The following TEX48 variants were observed in gnomAD, a reference collection of about 807,000 sequenced individuals.
TEX48 encodes testis expressed 48.
Under a neutral mutation model 13.2 loss-of-function variants are expected in TEX48, and 10 were observed. The observed-to-expected ratio is 0.75, with a 90% CI of 0.47 to 1.28. TEX48 has a LOEUF of 1.28. Among genes scored for constraint, TEX48 ranks in the 50% most tolerant of loss-of-function variants. The pLI is 0.00. For synonymous variants in TEX48, 45 were observed against 52.3 expected (o/e 0.86, Z 0.60); for missense variants, 116 against 139.4 (o/e 0.83, Z 0.84).
Position 114,668,249 on chromosome 9 carries a change from G to T in TEX48, c.216C>A (p.Ile72=), listed in dbSNP as rs373767666. ...TGGAGGAAGTGCTCTTTTTTGTCTG[G>T]ATCAGGGGTGTTCTCGAAGGCAAAT... ...VSHLPSRTPL[I]QTKKSTSSSS... is the part of the protein sequence containing the mutation. Residue 72 remains isoleucine (I), a synonymous_variant, in exon 4 of 5, where the codon ATC becomes ATA. Transcript: ENST00000436752. 48 of 1,535,470 alleles carry T rather than the reference G, an allele frequency of 3.1e-5. No homozygotes were observed. The East Asian group carries it at 9.5e-4, about 30-fold the overall frequency.
rs562059706 is a variant in TEX48, at chr9:114,675,569, G to A, written c.-104-3742C>T. On this transcript the variant is annotated intron_variant, in intron 1 of 4. Transcript: ENST00000436752. Reference sequence around the variant, plus strand: ...CCAATCCTTTGCCATTTCCTTCACCGTAGTGTAAGCCACCATCACTTCTCA... The same window carrying A: ...CCAATCCTTTGCCATTTCCTTCACCATAGTGTAAGCCACCATCACTTCTCA... Among the ~76,000 whole-genome samples, 11 of 152,186 alleles carry A rather than the reference G, an allele frequency of 7.2e-5. 1 individual carries two copies. The highest frequency in any genetic ancestry group is 2.4e-4 in the African/African-American group (10 of 41,516).
At chr9:114,672,502 C>T (rs1396504312) in intron 1 of TEX48, among the ~76,000 whole-genome samples, 8 of 152,194 alleles carry the variant, frequency 5.3e-5, no homozygotes, top group Non-Finnish European at 1.2e-4. Context: ...AAATTCTTAT[C>T]ATGGTATTGT....
chr9:114,679,156 T>G (rs1828137172), intron 1 of TEX48, among the ~76,000 whole-genome samples: 1 of 152,066 alleles, frequency 6.6e-6, no homozygotes. Context: ...GCCCTTTCTT[T>G]ATGCAAAAGC....
chr9:114,669,128 A>G (rs1019548311), intron 3 of TEX48, among the ~76,000 whole-genome samples: 1 of 152,182 alleles, frequency 6.6e-6, no homozygotes, highest in Admixed American at 6.5e-5. Context: ...GTTGTGAGCC[A>G]TCTCACCCAG....
intron 3 of TEX48, among the ~76,000 whole-genome samples, chr9:114,670,368 T>A (rs1827923615): frequency 6.6e-6 from 1 of 152,228 alleles, no homozygotes; most frequent in African/African-American, 2.4e-5. Flanking sequence ...TGTGGATTTC[T>A]GTCAAAATAC....
intron 1 of TEX48, among the ~76,000 whole-genome samples, chr9:114,674,803 G>T (rs984763525): frequency 2.0e-5 from 3 of 150,822 alleles, no homozygotes; most frequent in Non-Finnish European, 2.9e-5. Context: ...CTCCTGAGTA[G>T]CTGGGACTAC....
intron 1 of TEX48, among the ~76,000 whole-genome samples, chr9:114,674,317 C>A (rs1828010537): frequency 6.6e-6 from 1 of 152,112 alleles, no homozygotes; most frequent in South Asian, 2.1e-4. Flanking sequence ...TTTTAAAACA[C>A]AGCAAGCTCC....
At chr9:114,680,856 A>AT (rs1460500909) in intron 1 of TEX48, among the ~76,000 whole-genome samples, 1 of 152,180 alleles carries the variant, frequency 6.6e-6, no homozygotes, top group African/African-American at 2.4e-5. Flanking sequence ...CAGTAGGTAC[A>AT]TTTCATAGCT....
intron 3 of TEX48, among the ~76,000 whole-genome samples, chr9:114,670,357 A>G (rs958371995): frequency 2.6e-5 from 4 of 152,022 alleles, no homozygotes; most frequent in African/African-American, 9.7e-5. Flanking sequence ...AGACCCTCAC[A>G]TGTGGATTTC....
intron 1 of TEX48, among the ~76,000 whole-genome samples, chr9:114,672,520 T>A (rs1827967845): frequency 6.6e-6 from 1 of 152,222 alleles, no homozygotes; most frequent in African/African-American, 2.4e-5. Context: ...TGTTTAGGCG[T>A]CCCTCACAAT....
intron 1 of TEX48, among the ~76,000 whole-genome samples, chr9:114,675,974 C>T (rs769756478): frequency 2.0e-5 from 3 of 152,212 alleles, no homozygotes; most frequent in Non-Finnish European, 2.9e-5. Context: ...AGTTAGGAGT[C>T]CCTCCCTTGT....
chr9:114,674,931 A>T (rs1353241355), intron 1 of TEX48, among the ~76,000 whole-genome samples: 1 of 150,792 alleles, frequency 6.6e-6, no homozygotes, highest in East Asian at 1.9e-4. Context: ...TTGGCCTCCC[A>T]AAGTGCTGGG....
chr9:114,671,508 G>C lies in TEX48; in HGVS notation c.5-3C>G. 1 of 1,519,848 alleles carries C rather than the reference G, an allele frequency of 6.6e-7. No individual in the cohort carries two copies. The highest frequency in any genetic ancestry group is 1.2e-5 in the South Asian group (1 of 83,374). The allele number at this position is 1,519,848 out of a possible 1,614,324, so 94.1% of individuals were successfully genotyped here. A position where few individuals can be genotyped will look rare whatever the true frequency, so the allele number is the denominator to read the frequency against. On this transcript the variant is annotated splice_polypyrimidine_tract_variant and splice_region_variant and intron_variant, in intron 2 of 4. Coordinates refer to ENST00000436752, the MANE Select transcript of TEX48 (RefSeq NM_001199233.2). Reference sequence around the variant, plus strand: ...CAAGATCAGGTTTTGGTGGGCTGCTGTTGGAGGCAAAGGAATGAGGGGCAT... The same window carrying C: ...CAAGATCAGGTTTTGGTGGGCTGCTCTTGGAGGCAAAGGAATGAGGGGCAT...
At chr9:114,674,655 TTCCTTCCTTCC>T (rs764303260) in intron 1 of TEX48, among the ~76,000 whole-genome samples, 12,373 of 112,890 alleles carry the variant, frequency 0.11, 1,464 homozygotes, top group African/African-American at 0.18. Context: ...CCTTCCTTCC[TTCCTTCCTTCC>T]TTCTTTCCTT....
intron 1 of TEX48, among the ~76,000 whole-genome samples, chr9:114,679,340 C>A (rs1828141279): frequency 6.6e-6 from 1 of 150,580 alleles, no homozygotes; most frequent in South Asian, 2.1e-4. Context: ...CCCAAATCTC[C>A]TCTGTTCTTT....
chr9:114,679,681 C>T (rs79236639), intron 1 of TEX48, among the ~76,000 whole-genome samples: 4,705 of 152,274 alleles, frequency 0.031, 123 homozygotes, highest in East Asian at 0.12. Context: ...CCAGCACCCA[C>T]GGTGGACTAT....
chr9:114,673,660 A>AGGC (rs1827993270), intron 1 of TEX48, among the ~76,000 whole-genome samples: 3 of 152,154 alleles, frequency 2.0e-5, no homozygotes, highest in African/African-American at 4.8e-5. Context: ...ACATTATAAG[A>AGGC]TAAACAAAAA....
chr9:114,679,716 G>C (rs575329162), intron 1 of TEX48, among the ~76,000 whole-genome samples: 44 of 152,238 alleles, frequency 2.9e-4, no homozygotes, highest in African/African-American at 9.9e-4. Flanking sequence ...AGTCTGAAGG[G>C]ATGAAACCCT....
intron 1 of TEX48, among the ~76,000 whole-genome samples, chr9:114,680,190 C>T (rs1032772075): frequency 7.8e-6 from 1 of 128,578 alleles, no homozygotes; most frequent in African/African-American, 3.0e-5. Context: ...TGCAATGGTG[C>T]GATCTCGGGT....
Sources: gnomAD v4.1 joint callset for allele counts (sites outside exome capture counted in the v4.1 genomes callset) on GRCh38, gnomAD v4.1.1 for gene constraint, MANE v1.5 for transcripts, NCBI Gene and HGNC (gene_info 2026-07-23, HGNC 2026-07-21) for gene names.